The following RSL24D1 variants were observed in gnomAD, a reference collection of about 807,000 sequenced individuals.
RSL24D1 encodes the protein probable ribosome biogenesis protein RLP24.
RSL24D1 carries 6 observed loss-of-function variants against 26.2 expected under a neutral mutation model. The observed-to-expected ratio is 0.23, with a 90% CI of 0.13 to 0.45. The LOEUF (loss-of-function observed/expected upper bound fraction) is 0.45, where lower values mean the gene tolerates loss of function less well. Ranked by LOEUF, RSL24D1 falls within the 20% of genes least tolerant of loss-of-function variation. The pLI is 0.99. For synonymous variants in RSL24D1, 61 were observed against 59.1 expected (o/e 1.03, Z -0.15); for missense variants, 176 against 202.6 (o/e 0.87, Z 0.80).
At chr15:55,184,173 A>C (rs1165245316) in intron 4 of RSL24D1, among the ~76,000 whole-genome samples, 1 of 152,180 alleles carries the variant, frequency 6.6e-6, no homozygotes, top group Non-Finnish European at 1.5e-5. Flanking sequence ...TTAAAAGCTA[A>C]TGGTCCTGCT....
At chr15:55,192,528 A>T in intron 2 of RSL24D1, 192 bp downstream of exon 2, 1 of 436,480 alleles carries the variant, frequency 2.3e-6, no homozygotes, top group Non-Finnish European at 4.1e-6. Flanking sequence ...AAGAGCTAAA[A>T]ATAGTAGCTC....
At chr15:55,192,919 T>C (rs1894315032) in intron 1 of RSL24D1, 86 bp from the exon 2 acceptor site, 9 of 790,664 alleles carry the variant, frequency 1.1e-5, no homozygotes, top group Non-Finnish European at 1.7e-5. Context: ...AAAAATACTT[T>C]CCCTTCTACT....
At position 55,196,900 on chromosome 15, in the gene RSL24D1, G is replaced by T; in HGVS notation, c.-10C>A. 8 of 1,613,744 alleles carry T rather than the reference G, an allele frequency of 5.0e-6. No individual in the cohort carries two copies. Among genetic ancestry groups the T allele is most frequent in the African/African-American group, 1.3e-5 (1 of 74,996 alleles). ...ACTTTTCGATACGCATGTTGAACCC[G>T]CGTGTAACCCCACCAAACAAACGCC... On this transcript the variant is annotated 5_prime_UTR_variant, in exon 1 of 6. Transcript: ENST00000260443.
In RSL24D1 at chr15:55,183,318, C is replaced by A; in HGVS notation, c.415G>T (p.Ala139Ser). 1.9e-6 allele frequency: 3 copies of A among 1,611,094 alleles called. No homozygotes were observed. Among genetic ancestry groups the A allele is most frequent in the Non-Finnish European group, 2.5e-6 (3 of 1,179,216 alleles). The change falls in exon 5 of 6, where the codon GCA becomes TCA. Residue 139 changes from alanine (A) to serine (S), a missense_variant. Transcript: ENST00000260443. ...AGATGTGCAATGTAGTACTCACCTG[C>A]AAGAGGGGCTCGGATAAGATGGATG... The part of the protein sequence containing the change: ...QNIHLIRAPL[A>S]GKGKQLEEKM...
chr15:55,190,637 C>T (rs1230704073), intron 3 of RSL24D1, among the ~76,000 whole-genome samples: 4 of 152,212 alleles, frequency 2.6e-5, no homozygotes, highest in Non-Finnish European at 4.4e-5. Context: ...TGTTAGGTTT[C>T]ATGTGTATTT....
chr15:55,193,763 T>C (rs1030507731), intron 1 of RSL24D1, among the ~76,000 whole-genome samples: 14 of 152,188 alleles, frequency 9.2e-5, no homozygotes, highest in Non-Finnish European at 2.1e-4. Flanking sequence ...CTGTTGCTAT[T>C]AGTTTAATCT....
chr15:55,195,184 T>C (rs1894341983), intron 1 of RSL24D1: 1 of 152,054 alleles, frequency 6.6e-6, no homozygotes, highest in Admixed American at 6.5e-5. Context: ...GGTGAAAAGA[T>C]TCAGACGACT....
chr15:55,193,261 G>C lies in RSL24D1; in HGVS notation c.82-428C>G, dbSNP rs189490547. 2.0e-3 allele frequency among the ~76,000 whole-genome samples: 298 copies of C among 152,206 alleles called. 3 individuals carry two copies. Among genetic ancestry groups the C allele is most frequent in the African/African-American group, 6.7e-3 (279 of 41,544 alleles). ...TTGAAAGCACAAAATAATTTCAAAAGCAAGTAAAACTGGTGATATAACAGA... is the reference window on the plus strand; with the variant it reads ...TTGAAAGCACAAAATAATTTCAAAACCAAGTAAAACTGGTGATATAACAGA... On this transcript the variant is annotated intron_variant, in intron 1 of 5. Transcript: ENST00000260443.
chr15:55,192,779 G>A lies in RSL24D1; in HGVS notation c.136C>T (p.Pro46Ser). The change falls in exon 2 of 6, where the codon CCT becomes TCT. Residue 46 changes from proline (P) to serine (S), a missense_variant. By Grantham distance (74) the Pro-to-Ser change is moderately conservative. Transcript: ENST00000260443. Reference protein sequence around the residue: ...CHKNFKKKRNPRKVRWTKAFR... With the variant: ...CHKNFKKKRNSRKVRWTKAFR... ...GCTTTGGTCCACCTAACTTTGCGAG[G>A]ATTGCGCTTCTTTTTAAAGTTTTTA... 1 of 1,613,910 alleles carries A rather than the reference G, an allele frequency of 6.2e-7. No individual in the cohort carries two copies. Among genetic ancestry groups the A allele is most frequent in the Non-Finnish European group, 8.5e-7 (1 of 1,179,856 alleles).
Position 55,183,331 on chromosome 15 carries a change from G to A in RSL24D1, c.402C>T (p.Ile134=), listed in dbSNP as rs778672621. The change falls in exon 5 of 6, where the codon ATC becomes ATT. Residue 134 remains isoleucine (I), a synonymous_variant. Transcript: ENST00000260443. ...IKEVKQNIHL[I]RAPLAGKGKQ... ...AGTACTCACCTGCAAGAGGGGCTCG[G>A]ATAAGATGGATGTTTTGCTTGACTT... 1 of 1,611,476 alleles carries A rather than the reference G, an allele frequency of 6.2e-7. No homozygotes were observed. Among genetic ancestry groups the A allele is most frequent in the Non-Finnish European group, 8.5e-7 (1 of 1,179,482 alleles).
chr15:55,182,565 G>C (rs1021654135), intron 5 of RSL24D1, among the ~76,000 whole-genome samples: 2 of 152,154 alleles, frequency 1.3e-5, no homozygotes, highest in Non-Finnish European at 2.9e-5. Context: ...GATCCAAGGT[G>C]CCTGCTCTTA....
At chr15:55,194,266 T>C (rs186064159) in intron 1 of RSL24D1, 1 of 152,312 alleles carries the variant, frequency 6.6e-6, no homozygotes, top group East Asian at 1.9e-4. Context: ...GTGCTAAGGA[T>C]ACAAGAACAA....
In RSL24D1 at chr15:55,192,951, G is replaced by A. The variant is rs771263577; in HGVS notation, c.82-118C>T. ...TACTTAAACTGCCATTTAGAAATGTGTAAGATATATCAGATTAAATGGAAA... is the reference window on the plus strand; with the variant it reads ...TACTTAAACTGCCATTTAGAAATGTATAAGATATATCAGATTAAATGGAAA... On this transcript the variant is annotated intron_variant, in intron 1 of 5. Transcript: ENST00000260443. The A allele has an allele frequency of 1.1e-4, 69 of 645,566 alleles. 2 individuals are homozygous for A. Among genetic ancestry groups the A allele is most frequent in the South Asian group, 7.8e-4 (40 of 51,454 alleles). 40.0% of individuals were successfully genotyped at this position (645,566 alleles called of 1,614,324 possible).
rs907701891 is a variant in RSL24D1, at chr15:55,185,862, C to T, written c.269-437G>A. 3.9e-5 allele frequency among the ~76,000 whole-genome samples: 6 copies of T among 152,104 alleles called. 1 individual carries two copies. The highest frequency in any genetic ancestry group is 1.4e-4 in the African/African-American group (6 of 41,424). On this transcript the variant is annotated intron_variant, in intron 3 of 5. Transcript: ENST00000260443. The stretch of plus-strand genomic sequence containing the variant: ...CATGATATTAGCAGAATGAACCAAA[C>T]AATCAATACTACTAAGTTCTCAACC...
intron 3 of RSL24D1, among the ~76,000 whole-genome samples, chr15:55,189,315 A>G (rs1401279195): frequency 1.3e-5 from 2 of 152,324 alleles, no homozygotes; most frequent in Non-Finnish European, 1.5e-5. Context: ...TTGAGTTTGA[A>G]TAAGTGTTAT....
At chr15:55,191,570 G>A (rs1350438668) in intron 2 of RSL24D1, among the ~76,000 whole-genome samples, 1 of 152,030 alleles carries the variant, frequency 6.6e-6, no homozygotes, top group Admixed American at 6.5e-5. Context: ...AAATAAATGA[G>A]GTGCTACTCT....
intron 3 of RSL24D1, among the ~76,000 whole-genome samples, chr15:55,185,638 C>G (rs530489444): frequency 6.6e-6 from 1 of 152,294 alleles, no homozygotes; most frequent in Middle Eastern, 3.4e-3. Context: ...TATCATTTCT[C>G]TAATTTTTAT....
rs781316082 is a variant in RSL24D1 at position 55,183,949 on chromosome 15, C to T, written c.333-549G>A. Among the ~76,000 whole-genome samples the T allele has an allele frequency of 3.4e-4, 52 of 152,172 alleles. 1 individual carries two copies. The highest frequency in any genetic ancestry group is 7.4e-5 in the Non-Finnish European group (5 of 68,026). On this transcript the variant is annotated intron_variant, in intron 4 of 5. Coordinates refer to ENST00000260443, the MANE Select transcript of RSL24D1 (RefSeq NM_016304.3). ...TACATAAAACAACCTTTAACTGTTA[C>T]AGTGCCTAGATCTTTTCTCCTCAAA...
intron 3 of RSL24D1, among the ~76,000 whole-genome samples, chr15:55,187,725 T>C (rs1232263724): frequency 6.6e-6 from 1 of 150,564 alleles, no homozygotes; most frequent in Non-Finnish European, 1.5e-5. Flanking sequence ...AGTGGTATAA[T>C]GGACTATGGG....
Sources: gnomAD v4.1 joint callset for allele counts (sites outside exome capture counted in the v4.1 genomes callset) on GRCh38, gnomAD v4.1.1 for gene constraint, MANE v1.5 for transcripts, NCBI Gene and HGNC (gene_info 2026-07-23, HGNC 2026-07-21) for gene names.